Variants in TENM2 observed in about 807,000 individuals in gnomAD.
TENM2 encodes teneurin transmembrane protein 2.
Under a neutral mutation model 245.2 loss-of-function variants are expected in TENM2, and 52 were observed. The ratio of observed to expected loss-of-function variants is 0.21; its 90% CI spans 0.17 to 0.27. TENM2 has a LOEUF of 0.27. TENM2 is among the 10% of genes least tolerant of loss of function. The probability of loss-of-function intolerance (pLI) is 1.00; values close to 1 mark genes in which losing one functional copy is unlikely to be tolerated. For missense variants in TENM2, 3,046 were observed against 3,666.8 expected (o/e 0.83, Z 4.37); for synonymous variants, 1,363 against 1,438.9 (o/e 0.95, Z 1.19).
At chr5:168,181,225 C>T (rs900047841) in intron 13 of TENM2, among the ~76,000 whole-genome samples, 8 of 152,184 alleles carry the variant, frequency 5.3e-5, no homozygotes, top group African/African-American at 1.9e-4. Context: ...TTGTTGATGG[C>T]ATTTGTTTTT....
chr5:167,727,104 C>CTTTCT (rs1760064671), intron 2 of TENM2, among the ~76,000 whole-genome samples: 4 of 96,132 alleles, frequency 4.2e-5, no homozygotes, highest in African/African-American at 1.6e-4. Flanking sequence ...CCATTAATTT[C>CTTTCT]TTTTTTTTTT....
intron 27 of TENM2, among the ~76,000 whole-genome samples, chr5:168,254,493 A>AGAAGGG (rs1767457770): frequency 6.6e-6 from 1 of 151,248 alleles, no homozygotes; most frequent in Non-Finnish European, 1.5e-5. Flanking sequence ...AGGAAGAGGA[A>AGAAGGG]GAGGAAGAAG....
the TENM2 span, among the ~76,000 whole-genome samples, chr5:167,005,066 TA>T: frequency 2.0e-5 from 3 of 151,960 alleles, no homozygotes; most frequent in African/African-American, 4.8e-5. Context: ...ATTTTTTAAA[TA>T]AAAAAAACTA....
chr5:167,403,806 C>T (rs951392996), intron 2 of TENM2, among the ~76,000 whole-genome samples: 1 of 151,890 alleles, frequency 6.6e-6, no homozygotes, highest in Non-Finnish European at 1.5e-5. Context: ...CAGGGAATAA[C>T]ACAGAAAGTT....
intron 1 of TENM2, among the ~76,000 whole-genome samples, chr5:167,353,338 G>GGC (rs1759056199): frequency 6.9e-6 from 1 of 144,122 alleles, no homozygotes; most frequent in African/African-American, 2.7e-5. Flanking sequence ...GGTGGTGGGG[G>GGC]TGCAGAAAGT....
chr5:168,248,120 A>G (rs1766759461), exon 27 of TENM2: 3 of 1,613,940 alleles, frequency 1.9e-6, no homozygotes, highest in Non-Finnish European at 2.5e-6. Context: ...TACACGGCCT[A>G]TGGGGAGATT....
intron 2 of TENM2, among the ~76,000 whole-genome samples, chr5:167,817,076 G>C (rs1767117272): frequency 6.6e-6 from 1 of 152,194 alleles, no homozygotes; most frequent in African/African-American, 2.4e-5. Context: ...TGGAGAAATA[G>C]CTTCAGCGAA....
chr5:168,226,540 C>T (rs1219946351), intron 24 of TENM2, among the ~76,000 whole-genome samples: 1 of 152,106 alleles, frequency 6.6e-6, no homozygotes, highest in South Asian at 2.1e-4. Context: ...TTCCACCCGC[C>T]CCCCACATAC....
intron 8 of TENM2, among the ~76,000 whole-genome samples, chr5:168,095,019 G>C (rs575547760): frequency 6.6e-6 from 1 of 151,924 alleles, no homozygotes; most frequent in Admixed American, 6.6e-5. Context: ...ATCACCCCTA[G>C]ATGGGACCAT....
At chr5:167,534,064 T>C (rs913089912) in intron 2 of TENM2, among the ~76,000 whole-genome samples, 2 of 151,764 alleles carry the variant, frequency 1.3e-5, no homozygotes, top group African/African-American at 4.8e-5. Flanking sequence ...CATGAAAGAG[T>C]GATCAGGTGA....
the TENM2 span, among the ~76,000 whole-genome samples, chr5:167,114,494 T>A: frequency 6.6e-6 from 1 of 152,356 alleles, no homozygotes; most frequent in South Asian, 2.1e-4. Flanking sequence ...AGAAGAGATA[T>A]CAGTTAAAAT....
At chr5:168,180,219 C>T (rs10214212) in intron 13 of TENM2, among the ~76,000 whole-genome samples, 90,095 of 152,042 alleles carry the variant, frequency 0.59, 27,149 homozygotes, top group Middle Eastern at 0.64. Flanking sequence ...TGTTTTCCAA[C>T]GTGCATGGCA....
At chr5:167,267,832 A>C in the TENM2 span, among the ~76,000 whole-genome samples, 1 of 152,158 alleles carries the variant, frequency 6.6e-6, no homozygotes, top group African/African-American at 2.4e-5. Flanking sequence ...ATTTGCACAA[A>C]ATTTTTTATG....
intron 3 of TENM2, among the ~76,000 whole-genome samples, chr5:167,911,064 A>T (rs544181023): frequency 6.6e-6 from 1 of 152,232 alleles, no homozygotes; most frequent in Non-Finnish European, 1.5e-5. Context: ...TTTTTCAACT[A>T]CAACAATCTC....
At chr5:167,565,142 A>C (rs887630944) in intron 2 of TENM2, among the ~76,000 whole-genome samples, 2 of 152,268 alleles carry the variant, frequency 1.3e-5, no homozygotes, top group African/African-American at 4.8e-5. Context: ...TATGTTTTAC[A>C]GGATGACCTT....
At position 168,217,208 on chromosome 5, in the gene TENM2, T is replaced by C. The variant is rs566727451; in HGVS notation, c.4233+286T>C. ...GCAGATTACAGGGTAGAAGCTGCTC[T>C]GTAATTACCTCCCTTCTCCATCATT... On this transcript the variant is annotated intron_variant, in intron 22 of 28. Coordinates refer to ENST00000518659, the Ensembl canonical transcript of TENM2. 1.5e-3 allele frequency among the ~76,000 whole-genome samples: 228 copies of C among 152,378 alleles called. 1 individual carries two copies. Among genetic ancestry groups the C allele is most frequent in the African/African-American group, 5.1e-3 (211 of 41,592 alleles).
the TENM2 span, among the ~76,000 whole-genome samples, chr5:167,061,083 C>T: frequency 1.3e-5 from 1 of 79,450 alleles, no homozygotes; most frequent in Non-Finnish European, 2.4e-5. Flanking sequence ...TGATTAATCT[C>T]TCTCCAAAAC....
intron 1 of TENM2, among the ~76,000 whole-genome samples, chr5:167,313,561 A>T (rs1429186301): frequency 6.6e-6 from 1 of 152,164 alleles, no homozygotes; most frequent in Admixed American, 6.5e-5. Flanking sequence ...CATTTGAACC[A>T]GGGAGATGGA....
the TENM2 span, among the ~76,000 whole-genome samples, chr5:167,030,134 A>T: frequency 4.6e-5 from 7 of 152,148 alleles, no homozygotes; most frequent in African/African-American, 1.4e-4. Flanking sequence ...CTGCAAACCA[A>T]TTCCTTTTTA....
Sources: allele counts gnomAD v4.1 joint callset (sites outside exome capture counted in the v4.1 genomes callset), GRCh38; gene constraint gnomAD v4.1.1; transcripts MANE v1.5; gene names NCBI Gene and HGNC (gene_info 2026-07-23, HGNC 2026-07-21).